The following GIT1 variants were observed in gnomAD, a reference collection of about 807,000 sequenced individuals.
The protein encoded by GIT1 is ARF GTPase-activating protein GIT1.
Under a neutral mutation model 91.7 loss-of-function variants are expected in GIT1, and 14 were observed. That is an observed-to-expected ratio of 0.15 (90% CI 0.10 to 0.24). GIT1 has a LOEUF of 0.24. Among genes scored for constraint, GIT1 ranks in the 10% least tolerant of loss-of-function variants. The probability of loss-of-function intolerance (pLI) is 1.00; values close to 1 mark genes in which losing one functional copy is unlikely to be tolerated. For missense variants in GIT1, 717 were observed against 1,024.9 expected, an observed-to-expected ratio of 0.70 and a Z score of 4.10; for synonymous variants, 414 against 418.2, an observed-to-expected ratio of 0.99 and a Z score of 0.12.
rs1174315989 is a variant in GIT1, at chr17:29,574,546, G to T, written c.*156C>A. ...CCTCCCCATCCTTAGGGGCTCGACAGGGGTGGGCACCAGGGCACCTGGCTG... is the reference window on the plus strand; with the variant it reads ...CCTCCCCATCCTTAGGGGCTCGACATGGGTGGGCACCAGGGCACCTGGCTG... On this transcript the variant is annotated 3_prime_UTR_variant, in exon 20 of 20. Transcript: ENST00000225394. 1 of 713,500 alleles carries T rather than the reference G, an allele frequency of 1.4e-6. No homozygotes were observed. Among genetic ancestry groups the T allele is most frequent in the Admixed American group, 2.0e-5 (1 of 49,784 alleles). The allele number at this position is 713,500 out of a possible 1,614,324, so 44.2% of individuals were successfully genotyped here.
rs757777256 is a variant in GIT1, at chr17:29,575,103, G to C, written c.2049C>G (p.Thr683=). The C allele has an allele frequency of 1.3e-6, 2 of 1,599,994 alleles. No individual in the cohort carries two copies. Among genetic ancestry groups the C allele is most frequent in the Non-Finnish European group, 1.7e-6 (2 of 1,169,370 alleles). The stretch of plus-strand genomic sequence containing the variant: ...CCTTTGGGAAGAGGGAGGCCATCTC[G>C]GTCACAGCCAAATGGATCTTCTCTG... The part of the protein sequence containing the change: ...PCSEKIHLAV[T]EMASLFPKRP... Residue 683 remains threonine, a synonymous_variant, in exon 19 of 20, where the codon ACC becomes ACG. Coordinates refer to ENST00000225394, the MANE Select transcript of GIT1 (RefSeq NM_014030.4). The surrounding 1 kb of genome is among the most constrained non-coding windows in gnomAD (Gnocchi z 5.5).
At position 29,576,548 on chromosome 17, in the gene GIT1, C is replaced by T. The variant is rs768304367; in HGVS notation, c.1354G>A (p.Asp452Asn). The T allele has an allele frequency of 5.0e-6, 8 of 1,613,848 alleles. No homozygotes were observed. The highest frequency in any genetic ancestry group is 2.7e-5 in the African/African-American group (2 of 74,916). ...QLMKVNSSLS[D>N]ELRRLQREIH... is the part of the protein sequence containing the mutation. ...TCTCGCTGCAGCCTCCGGAGCTCGT[C>T]GCTCAGGCTACTGTTGACCTTCATG... The change falls in exon 13 of 20, where the codon GAC becomes AAC. Residue 452 changes from aspartate (D) to asparagine (N), a missense_variant. By Grantham distance (23) the Asp-to-Asn change is conservative. Coordinates refer to ENST00000225394, the MANE Select transcript of GIT1 (RefSeq NM_014030.4).
chr17:29,573,652 G>A lies in GIT1; in HGVS notation c.*1050C>T, dbSNP rs1373555560. 1 of 152,590 alleles carries A rather than the reference G, an allele frequency of 6.6e-6. No individual in the cohort carries two copies. The highest frequency in any genetic ancestry group is 1.5e-5 in the Non-Finnish European group (1 of 68,140). 9.5% of individuals were successfully genotyped at this position (152,590 alleles called of 1,614,324 possible). On this transcript the variant is annotated 3_prime_UTR_variant, in exon 20 of 20. Transcript: ENST00000225394. ...CTGCAGCCAGGTTCCCAGGCCTCCA[G>A]AGGGTGGGACCACAGCAGGTGCAGG...
rs147521939 is a variant in GIT1 at position 29,581,812 on chromosome 17, C to T, written c.648G>A (p.Ala216=). 6.8e-6 allele frequency: 11 copies of T among 1,612,512 alleles called. No homozygotes were observed. Among genetic ancestry groups the T allele is most frequent in the African/African-American group, 4.0e-5 (3 of 74,914 alleles). The part of the protein sequence containing the change: ...YARQAGHHEL[A]ERLVECQYEL... ...CATATTGGCACTCAACCAGCCTTTC[C>T]GCCAGCTCATGGTGCCCCGCCTGCC... Residue 216 remains alanine, a synonymous_variant, in exon 6 of 20, where the codon GCG becomes GCA. Transcript: ENST00000225394. This position sits in a 1 kb window ranked among gnomAD's most constrained non-coding sequence, Gnocchi z 4.8.
intron 7 of GIT1, chr17:29,579,309 CCCT>C: frequency 2.3e-6 from 1 of 426,600 alleles, no homozygotes; most frequent in East Asian, 4.1e-5. Flanking sequence ...TTCTTAATCT[CCCT>C]CCTTCTAGTT....
In GIT1 at chr17:29,576,108, A is replaced by G. The variant is rs1464778650; in HGVS notation, c.1635T>C (p.Tyr545=). Residue 545 remains tyrosine, a synonymous_variant, in exon 15 of 20, where the codon TAT becomes TAC. Transcript: ENST00000225394. ...AAAGGCCAGCAGGGACGTGCACTGA[A>G]TAGATGGCGTCGTCCTCTAGCTCCT... The part of the protein sequence containing the change: ...HSTELEDDAI[Y]SVHVPAGLYR... 6 of 1,613,776 alleles carry G rather than the reference A, an allele frequency of 3.7e-6. No individual in the cohort carries two copies. Among genetic ancestry groups the G allele is most frequent in the African/African-American group, 1.3e-5 (1 of 75,022 alleles).
chr17:29,576,714 G>A (rs764183721), intron 12 of GIT1, 40 bp from the exon 13 acceptor site: 21 of 1,611,010 alleles, frequency 1.3e-5, no homozygotes, highest in Non-Finnish European at 1.6e-5. Context: ...CCTGGGGGCA[G>A]GGAGGCCAAC....
intron 7 of GIT1, among the ~76,000 whole-genome samples, chr17:29,579,871 A>G (rs2033340212): frequency 6.6e-6 from 1 of 152,186 alleles, no homozygotes; most frequent in African/African-American, 2.4e-5. Context: ...GCCAGTAAGC[A>G]GCAGAGATGA....
Position 29,581,986 on chromosome 17 carries a change from C to T in GIT1, c.564G>A (p.Val188=), listed in dbSNP as rs772981437. ...GQTLQAELLV[V]YGADPGSPDV... ...CAGGGGAGCCAGGGTCAGCCCCATACACTACAAGCAGCTCGGCCTGCAGTG... is the reference window on the plus strand; with the variant it reads ...CAGGGGAGCCAGGGTCAGCCCCATATACTACAAGCAGCTCGGCCTGCAGTG... The change falls in exon 5 of 20, where the codon GTG becomes GTA. Residue 188 remains valine (V), a synonymous_variant. Transcript: ENST00000225394. This position sits in a 1 kb window ranked among gnomAD's most constrained non-coding sequence, Gnocchi z 4.8. 2.5e-6 allele frequency: 4 copies of T among 1,612,770 alleles called. No individual in the cohort carries two copies. The highest frequency in any genetic ancestry group is 3.4e-6 in the Non-Finnish European group (4 of 1,179,954).
chr17:29,585,798 C>T (rs1050572572), intron 1 of GIT1, among the ~76,000 whole-genome samples: 3 of 152,136 alleles, frequency 2.0e-5, no homozygotes, highest in African/African-American at 7.2e-5. Context: ...AAACCTGGGA[C>T]GGAAAGGACA....
In GIT1 at chr17:29,575,787, T is replaced by G; in HGVS notation, c.1752+25A>C. On this transcript the variant is annotated intron_variant, in intron 16 of 19. Coordinates refer to ENST00000225394, the MANE Select transcript of GIT1 (RefSeq NM_014030.4). This position sits in a 1 kb window ranked among gnomAD's most constrained non-coding sequence, Gnocchi z 5.5. ...GCCCACACGGCCCCCAGCCACCCTGTGGGCACTGGGCATGGAAACATTACC... is the reference window on the plus strand; with the variant it reads ...GCCCACACGGCCCCCAGCCACCCTGGGGGCACTGGGCATGGAAACATTACC... 6.2e-7 allele frequency: 1 copy of G among 1,608,972 alleles called. No individual in the cohort carries two copies.
chr17:29,578,442 T>C (rs1375210903), intron 8 of GIT1, 71 bp from the exon 9 acceptor site: 5 of 1,408,478 alleles, frequency 3.5e-6, no homozygotes, highest in Non-Finnish European at 5.0e-6. Context: ...CTCCCCAGCA[T>C]GTTGTGAGCC....
intron 3 of GIT1, 56 bp downstream of exon 3, chr17:29,582,869 A>C: frequency 6.4e-7 from 1 of 1,552,094 alleles, no homozygotes; most frequent in Admixed American, 1.7e-5. Context: ...GCCACCTCCC[A>C]GGGCCCTGTC....
Position 29,581,340 on chromosome 17 carries a change from G to A in GIT1, c.759C>T (p.Asp253=). Residue 253 remains aspartate (D), a splice_region_variant and synonymous_variant, in exon 7 of 20, where the codon GAC becomes GAT. Coordinates refer to ENST00000225394, the MANE Select transcript of GIT1 (RefSeq NM_014030.4). This position sits in a 1 kb window ranked among gnomAD's most constrained non-coding sequence, Gnocchi z 4.8. The part of the protein sequence containing the change: ...NGHYIIPQMA[D]SLDLSELAKA... ...AGGGGCATCAGGTGGGCACTCACCT[G>A]TCAGCCATCTGTGGGATGATGTAAT... 2.5e-6 allele frequency: 4 copies of A among 1,611,496 alleles called. No individual in the cohort carries two copies. The highest frequency in any genetic ancestry group is 2.7e-5 in the African/African-American group (2 of 74,992).
At chr17:29,587,692 T>C (rs895319872) in intron 1 of GIT1, among the ~76,000 whole-genome samples, 1 of 152,094 alleles carries the variant, frequency 6.6e-6, no homozygotes, top group Non-Finnish European at 1.5e-5. Flanking sequence ...CCATTTCTAC[T>C]CCAACTTCTT....
At chr17:29,577,017 C>T (rs957565798) in intron 11 of GIT1, 21 bp from the exon 12 acceptor site, 6 of 1,604,670 alleles carry the variant, frequency 3.7e-6, no homozygotes, top group African/African-American at 2.7e-5. Context: ...AGGAGTGTCA[C>T]TCAGGCCACA....
Position 29,574,000 on chromosome 17 carries a change from CCT to C in GIT1, c.*700_*701del, listed in dbSNP as rs905797448. On this transcript the variant is annotated 3_prime_UTR_variant, in exon 20 of 20. Transcript: ENST00000225394. ...CATGCTGGTCCCACTGCTCTGGTCCCCTCACCCCTCAAAACTCCAGATGGACC... is the reference window on the plus strand; with the variant it reads ...CATGCTGGTCCCACTGCTCTGGTCCCCACCCCTCAAAACTCCAGATGGACC... The C allele has an allele frequency of 6.6e-6, 1 of 152,500 alleles. No homozygotes were observed. The highest frequency in any genetic ancestry group is 1.5e-5 in the Non-Finnish European group (1 of 68,136). The allele number at this position is 152,500 out of a possible 1,614,324, so 9.4% of individuals were successfully genotyped here.
chr17:29,584,450 A>C (rs1470056773), intron 1 of GIT1, among the ~76,000 whole-genome samples: 1 of 152,194 alleles, frequency 6.6e-6, no homozygotes, highest in African/African-American at 2.4e-5. Flanking sequence ...TGGGAGAAGA[A>C]GCAGGGCCAG....
In GIT1 at chr17:29,574,608, G is replaced by T. The variant is rs780439070; in HGVS notation, c.*94C>A. Reference sequence around the variant, plus strand: ...GGCAGCACTAAGGGCACTTGTGCCAGTGGCTCTGTTGGGGTGGGGATTAAT... The same window carrying T: ...GGCAGCACTAAGGGCACTTGTGCCATTGGCTCTGTTGGGGTGGGGATTAAT... On this transcript the variant is annotated 3_prime_UTR_variant, in exon 20 of 20. Coordinates refer to ENST00000225394, the MANE Select transcript of GIT1 (RefSeq NM_014030.4). The T allele has an allele frequency of 1.9e-6, 2 of 1,070,062 alleles. No individual in the cohort carries two copies. The highest frequency in any genetic ancestry group is 2.9e-6 in the Non-Finnish European group (2 of 696,556). 66.3% of individuals were successfully genotyped at this position (1,070,062 alleles called of 1,614,324 possible).
Sources: allele counts gnomAD v4.1 joint callset (sites outside exome capture counted in the v4.1 genomes callset), GRCh38; gene constraint gnomAD v4.1.1; non-coding constraint Gnocchi (gnomAD v3.1); transcripts MANE v1.5; gene names NCBI Gene and HGNC (gene_info 2026-07-23, HGNC 2026-07-21).